TRIM14: variants seen among roughly 807,000 people sequenced by gnomAD.
TRIM14 encodes the protein tripartite motif containing 14, also known as tripartite motif-containing protein 14.
Under a neutral mutation model 44.5 loss-of-function variants are expected in TRIM14, and 28 were observed. The observed-to-expected ratio is 0.63, with a 90% CI of 0.47 to 0.86. The LOEUF is 0.86. TRIM14 is among the 40% of genes least tolerant of loss of function. The pLI, the probability that TRIM14 is intolerant of heterozygous loss-of-function variation, is 0.00. For missense variants in TRIM14, 607 were observed against 611.1 expected, an observed-to-expected ratio of 0.99 and a Z score of 0.07; for synonymous variants, 299 against 269.2, an observed-to-expected ratio of 1.11 and a Z score of -1.08.
At chr9:98,116,301 C>CAAA (rs35650458) in intron 1 of TRIM14, among the ~76,000 whole-genome samples, 4 of 98,620 alleles carry the variant, frequency 4.1e-5, no homozygotes, top group African/African-American at 9.0e-5. Flanking sequence ...GACCCTGTCT[C>CAAA]AAAAAAAAAA....
At chr9:98,036,499 T>C in the TRIM14 span, among the ~76,000 whole-genome samples, 1 of 45,068 alleles carries the variant, frequency 2.2e-5, no homozygotes, top group Non-Finnish European at 4.1e-5. Flanking sequence ...AGACTCCATC[T>C]GAAAAAAAAA....
At chr9:98,081,396 G>A (rs1829854808), downstream of TRIM14, 1 of 309,928 alleles carries the variant, frequency 3.2e-6, no homozygotes, top group Non-Finnish European at 6.0e-6. Context: ...TATGTAACAG[G>A]AGTGAGGCCC....
intron 1 of TRIM14, among the ~76,000 whole-genome samples, chr9:98,115,402 C>G (rs1339166412): frequency 2.0e-5 from 3 of 152,240 alleles, no homozygotes; most frequent in African/African-American, 7.2e-5. Context: ...AGGTGCCCAC[C>G]ACCATGCCCA....
chr9:98,115,304 C>T (rs984563349), intron 1 of TRIM14, among the ~76,000 whole-genome samples: 8 of 152,114 alleles, frequency 5.3e-5, no homozygotes, highest in African/African-American at 9.7e-5. Flanking sequence ...GGCTGGAGTG[C>T]AGTGGCACAA....
the TRIM14 span, among the ~76,000 whole-genome samples, chr9:98,048,286 C>A: frequency 6.6e-6 from 1 of 152,212 alleles, no homozygotes; most frequent in Middle Eastern, 3.4e-3. Flanking sequence ...TGGGGGAATC[C>A]ATTTTACCTT....
downstream of TRIM14, among the ~76,000 whole-genome samples, chr9:98,066,862 G>A (rs1355879308): frequency 1.3e-5 from 2 of 152,074 alleles, no homozygotes; most frequent in African/African-American, 4.8e-5. Context: ...TGTTGACCAG[G>A]CTGATCTTGA....
downstream of TRIM14, among the ~76,000 whole-genome samples, chr9:98,082,536 A>G (rs899539379): frequency 6.6e-6 from 1 of 152,246 alleles, no homozygotes; most frequent in Non-Finnish European, 1.5e-5. Context: ...ATAAGTTTCC[A>G]TTTGACAGAG....
At chr9:98,064,507 C>T (rs866664509), downstream of TRIM14, among the ~76,000 whole-genome samples, 25 of 152,168 alleles carry the variant, frequency 1.6e-4, no homozygotes, top group African/African-American at 4.8e-4. Context: ...CCGCCTGCCT[C>T]GGCCTCCCAA....
At position 98,106,749 on chromosome 9, in the gene TRIM14, A is replaced by G. The variant is rs540327133; in HGVS notation, c.303+3140T>C. Among the ~76,000 whole-genome samples, 4 of 152,184 alleles carry G rather than the reference A, an allele frequency of 2.6e-5. No individual in the cohort carries two copies. The South Asian group carries it at 6.2e-4, about 24-fold the overall frequency. On this transcript the variant is annotated intron_variant, in intron 2 of 5. Transcript: ENST00000341469. The stretch of plus-strand genomic sequence containing the variant: ...GGAAGAATACATAGTAAAAATGTCA[A>G]TTCTCCCCAAATTGATAAACAGGTT...
chr9:98,095,860 C>A lies in TRIM14; in HGVS notation c.538-831G>T, dbSNP rs529867509. ...CCGTGGGGCCTATACTGGCACCAAC[C>A]CCTGCTGGAGTCTGGACTTCATTCC... On this transcript the variant is annotated intron_variant, in intron 3 of 5. Transcript: ENST00000341469. This position sits in a 1 kb window ranked among gnomAD's most constrained non-coding sequence, Gnocchi z 4.1. 6.6e-6 allele frequency among the ~76,000 whole-genome samples: 1 copy of A among 152,284 alleles called. No individual in the cohort carries two copies. Among genetic ancestry groups the A allele is most frequent in the African/African-American group, 2.4e-5 (1 of 41,558 alleles).
rs1478353443 is a variant in TRIM14, at chr9:98,085,133, G to C, written c.*2337C>G. 4 of 152,440 alleles carry C rather than the reference G, an allele frequency of 2.6e-5. No homozygotes were observed. The East Asian group carries it at 7.7e-4, about 29-fold the overall frequency. The allele number at this position is 152,440 out of a possible 1,614,324, so 9.4% of individuals were successfully genotyped here. A position where few individuals can be genotyped will look rare whatever the true frequency, so the allele number is the denominator to read the frequency against. ...ATAAGGCCTCATCTCAGACCCCCAAGGAAGGCAGTCCAAAGGTAGACTCAA... is the reference window on the plus strand; with the variant it reads ...ATAAGGCCTCATCTCAGACCCCCAACGAAGGCAGTCCAAAGGTAGACTCAA... On this transcript the variant is annotated 3_prime_UTR_variant, in exon 6 of 6. Transcript: ENST00000341469.
At chr9:98,040,321 A>G in the TRIM14 span, among the ~76,000 whole-genome samples, 2 of 152,024 alleles carry the variant, frequency 1.3e-5, no homozygotes, top group African/African-American at 2.4e-5. Context: ...CTTTGCCACC[A>G]AATCTGCTGT....
the TRIM14 span, among the ~76,000 whole-genome samples, chr9:98,042,292 GGAAAAAAAAA>G: frequency 7.3e-6 from 1 of 136,588 alleles, no homozygotes; most frequent in Non-Finnish European, 1.5e-5. Flanking sequence ...GACTCTGTCT[GGAAAAAAAAA>G]AAAAAAAAAG....
At chr9:98,113,595 T>C (rs1354196361) in intron 1 of TRIM14, among the ~76,000 whole-genome samples, 6 of 152,214 alleles carry the variant, frequency 3.9e-5, no homozygotes, top group Admixed American at 3.9e-4. Context: ...GCTCAAGTGA[T>C]CTGCCTGCCT....
intron 3 of TRIM14, among the ~76,000 whole-genome samples, chr9:98,096,104 C>T (rs1462551313): frequency 6.6e-6 from 1 of 152,168 alleles, no homozygotes; most frequent in Non-Finnish European, 1.5e-5. Context: ...AGTGGCAGTG[C>T]TGCCCACCCG....
chr9:98,057,878 C>T, the TRIM14 span, among the ~76,000 whole-genome samples: 3 of 147,950 alleles, frequency 2.0e-5, no homozygotes, highest in African/African-American at 7.5e-5. Context: ...GCTCTGTCAC[C>T]CAGGCTGGAG....
At chr9:98,115,513 G>A (rs1415390107) in intron 1 of TRIM14, among the ~76,000 whole-genome samples, 1 of 152,108 alleles carries the variant, frequency 6.6e-6, no homozygotes, top group African/African-American at 2.4e-5. Flanking sequence ...CTCCCAAAGT[G>A]CTAGGATTAC....
the TRIM14 span, among the ~76,000 whole-genome samples, chr9:98,060,453 G>T: frequency 1.3e-5 from 2 of 152,202 alleles, no homozygotes; most frequent in Admixed American, 6.5e-5. Context: ...TGGATCACCT[G>T]AGGTCAGGAG....
rs563107071 is a variant in TRIM14 at position 98,107,078 on chromosome 9, C to T, written c.303+2811G>A. On this transcript the variant is annotated intron_variant, in intron 2 of 5. Coordinates refer to ENST00000341469, the MANE Select transcript of TRIM14 (RefSeq NM_014788.4). The stretch of plus-strand genomic sequence containing the variant: ...GCTACTGGGGGAATGCAAATTAAAA[C>T]CATGATAAGGTATCACTACACACAG... Among the ~76,000 whole-genome samples, 4 of 152,230 alleles carry T rather than the reference C, an allele frequency of 2.6e-5. No homozygotes were observed. The South Asian group carries it at 8.3e-4, about 32-fold the overall frequency.
Sources: allele counts gnomAD v4.1 joint callset (sites outside exome capture counted in the v4.1 genomes callset), GRCh38; gene constraint gnomAD v4.1.1; non-coding constraint Gnocchi (gnomAD v3.1); transcripts MANE v1.5; gene names NCBI Gene and HGNC (gene_info 2026-07-23, HGNC 2026-07-21).